PCDH15: variants seen among roughly 807,000 people sequenced by gnomAD.
PCDH15 encodes the protein protocadherin-15.
A neutral mutation model predicts 178.5 loss-of-function variants in PCDH15; 129 were observed. That is an observed-to-expected ratio of 0.72 (90% CI 0.63 to 0.84). The LOEUF is 0.84. Ranked by LOEUF, PCDH15 falls within the 40% of genes least tolerant of loss-of-function variation. PCDH15 has a pLI of 0.00. For synonymous variants in PCDH15, 800 were observed against 732.0 expected, an observed-to-expected ratio of 1.09 and a Z score of -1.50; for missense variants, 2,230 against 2,099.9, an observed-to-expected ratio of 1.06 and a Z score of -1.21.
At chr10:54,581,683 T>C (rs565028718) in intron 2 of PCDH15, among the ~76,000 whole-genome samples, 2 of 152,022 alleles carry the variant, frequency 1.3e-5, no homozygotes, top group African/African-American at 4.8e-5. Context: ...ATACAATAAG[T>C]CTACAATATC....
At chr10:54,443,367 GT>G (rs34088427) in intron 3 of PCDH15, among the ~76,000 whole-genome samples, 102 of 151,196 alleles carry the variant, frequency 6.7e-4, no homozygotes, top group Non-Finnish European at 1.2e-3. Context: ...GAAATGGGAA[GT>G]TTTTTTTCAT....
At chr10:55,489,669 A>T (rs1353674350) in intron 2 of PCDH15, among the ~76,000 whole-genome samples, 1 of 151,674 alleles carries the variant, frequency 6.6e-6, no homozygotes, top group Non-Finnish European at 1.5e-5. Flanking sequence ...TAAAGCTCAT[A>T]TTTAAACACA....
intron 2 of PCDH15, among the ~76,000 whole-genome samples, chr10:55,457,849 A>C (rs1003225514): frequency 5.3e-5 from 8 of 152,038 alleles, no homozygotes; most frequent in African/African-American, 1.9e-4. Context: ...TATATACTGA[A>C]TGTCACTGTA....
At chr10:54,346,758 T>C (rs1467304544) in intron 5 of PCDH15, among the ~76,000 whole-genome samples, 1 of 152,206 alleles carries the variant, frequency 6.6e-6, no homozygotes, top group Non-Finnish European at 1.5e-5. Context: ...TTATAGCCAT[T>C]AGTATGTTAG....
intron 2 of PCDH15, among the ~76,000 whole-genome samples, chr10:54,651,755 A>G (rs2094266153): frequency 6.6e-6 from 1 of 152,222 alleles, no homozygotes; most frequent in Non-Finnish European, 1.5e-5. Context: ...TTGTTGCATC[A>G]GCCCAACAAT....
At chr10:53,843,733 A>T (rs910525799) in intron 28 of PCDH15, among the ~76,000 whole-genome samples, 23 of 152,124 alleles carry the variant, frequency 1.5e-4, no homozygotes, top group African/African-American at 5.5e-4. Context: ...TCTAGTTTAA[A>T]AATGAAAAAA....
rs145700725 is a variant in PCDH15 at position 54,768,003 on chromosome 10, C to T, written c.-29+32922G>A. 2.0e-4 allele frequency among the ~76,000 whole-genome samples: 30 copies of T among 152,180 alleles called. 1 individual carries two copies. The East Asian group carries it at 5.8e-3, about 29-fold the overall frequency. ...ATCTAATTTTACCAAATATACCATGCTAATGGAAAAATGTTACTAATAGGT... is the reference window on the plus strand; with the variant it reads ...ATCTAATTTTACCAAATATACCATGTTAATGGAAAAATGTTACTAATAGGT... On this transcript the variant is annotated intron_variant, in intron 1 of 37. Coordinates refer to ENST00000644397, the MANE Select transcript of PCDH15 (RefSeq NM_001384140.1).
At chr10:54,383,184 T>C (rs1256971886) in intron 3 of PCDH15, among the ~76,000 whole-genome samples, 7 of 152,040 alleles carry the variant, frequency 4.6e-5, no homozygotes, top group Non-Finnish European at 8.8e-5. Flanking sequence ...ATGTAAAATG[T>C]ACTTTCTGTA....
At chr10:54,722,117 CAT>C (rs1182477832) in intron 1 of PCDH15, among the ~76,000 whole-genome samples, 6 of 151,654 alleles carry the variant, frequency 4.0e-5, no homozygotes, top group East Asian at 1.9e-4. Flanking sequence ...ATAGAAAAAA[CAT>C]ATGATTATCT....
chr10:54,535,762 A>T (rs981332047), intron 2 of PCDH15, among the ~76,000 whole-genome samples: 1 of 151,196 alleles, frequency 6.6e-6, no homozygotes, highest in Non-Finnish European at 1.5e-5. Flanking sequence ...GGGCTTTAGG[A>T]AAAAGGCAGA....
intron 3 of PCDH15, among the ~76,000 whole-genome samples, chr10:54,475,749 A>G (rs895616349): frequency 4.6e-5 from 7 of 151,764 alleles, no homozygotes; most frequent in African/African-American, 7.2e-5. Flanking sequence ...ATTTATGGAC[A>G]TAGCTGCAGG....
At position 54,229,758 on chromosome 10, in the gene PCDH15, CT is replaced by C. The variant is rs761277826; in HGVS notation, c.985+7064del. Among the ~76,000 whole-genome samples, 223 of 152,290 alleles carry C rather than the reference CT, an allele frequency of 1.5e-3. 2 individuals are homozygous for C. Among genetic ancestry groups the C allele is most frequent in the Non-Finnish European group, 2.2e-3 (150 of 68,026 alleles). ...AACTGTAAATCCATTAAACCTCTTTCTTTTGTAAATTATGTAGTCTCAGGTA... is the reference window on the plus strand; with the variant it reads ...AACTGTAAATCCATTAAACCTCTTTCTTTGTAAATTATGTAGTCTCAGGTA... On this transcript the variant is annotated intron_variant, in intron 9 of 37. Coordinates refer to ENST00000644397, the MANE Select transcript of PCDH15 (RefSeq NM_001384140.1).
At chr10:53,819,219 C>T (rs933583218) in intron 33 of PCDH15, among the ~76,000 whole-genome samples, 4 of 151,572 alleles carry the variant, frequency 2.6e-5, no homozygotes, top group African/African-American at 9.7e-5. Context: ...AGTCATATAC[C>T]TTATAAAATA....
At chr10:54,820,025 T>G (rs1023063162) in intron 3 of PCDH15, among the ~76,000 whole-genome samples, 1 of 149,832 alleles carries the variant, frequency 6.7e-6, no homozygotes, top group Non-Finnish European at 1.5e-5. Context: ...AAAAAAAAAA[T>G]CAAGCAATGG....
At chr10:54,105,279 T>G (rs1416473024) in intron 15 of PCDH15, among the ~76,000 whole-genome samples, 143 of 12,304 alleles carry the variant, frequency 0.012, 1 homozygote, top group Middle Eastern at 0.056. Flanking sequence ...TAGATGGAGA[T>G]ATATATATAT....
At chr10:55,266,829 T>A in intron 1 of PCDH15, among the ~76,000 whole-genome samples, 1 of 152,102 alleles carries the variant, frequency 6.6e-6, no homozygotes, top group East Asian at 1.9e-4. Flanking sequence ...GAAAACCACC[T>A]CTGTTCTTGC....
chr10:54,954,530 T>C (rs1340067545), intron 2 of PCDH15, among the ~76,000 whole-genome samples: 1 of 151,218 alleles, frequency 6.6e-6, no homozygotes, highest in Non-Finnish European at 1.5e-5. Flanking sequence ...AACCTTGTCT[T>C]TCTCTATTTT....
chr10:54,823,638 T>C (rs1325053398), intron 3 of PCDH15, among the ~76,000 whole-genome samples: 1 of 152,118 alleles, frequency 6.6e-6, no homozygotes, highest in Non-Finnish European at 1.5e-5. Context: ...TTAATGGCTA[T>C]ACTGTATTGC....
chr10:54,660,942 G>A (rs901802214), intron 2 of PCDH15, among the ~76,000 whole-genome samples: 1 of 151,326 alleles, frequency 6.6e-6, no homozygotes, highest in Non-Finnish European at 1.5e-5. Flanking sequence ...AACAAACTAG[G>A]CATTGAAAAA....
Sources: gnomAD v4.1 joint callset for allele counts (sites outside exome capture counted in the v4.1 genomes callset) on GRCh38, gnomAD v4.1.1 for gene constraint, MANE v1.5 for transcripts, NCBI Gene and HGNC (gene_info 2026-07-23, HGNC 2026-07-21) for gene names.